Variants in CNTN5 observed in about 807,000 individuals in gnomAD.
CNTN5 encodes the protein contactin-5.
Under a neutral mutation model 129.1 loss-of-function variants are expected in CNTN5, and 77 were observed. The ratio of observed to expected loss-of-function variants is 0.60; its 90% CI spans 0.50 to 0.72. The LOEUF (loss-of-function observed/expected upper bound fraction) is 0.72. Among genes scored for constraint, CNTN5 ranks in the 30% least tolerant of loss-of-function variants. CNTN5 has a pLI of 0.00. For missense variants in CNTN5, 1,478 were observed against 1,328.8 expected (o/e 1.11, Z -1.75); for synonymous variants, 509 against 465.6 (o/e 1.09, Z -1.20).
chr11:99,022,441 T>C (rs1862916393), intron 1 of CNTN5, among the ~76,000 whole-genome samples: 1 of 152,136 alleles, frequency 6.6e-6, no homozygotes, highest in Non-Finnish European at 1.5e-5. Flanking sequence ...TCATTAACTG[T>C]TTTTGAAAAT....
chr11:99,272,969 A>T (rs1863245028), intron 1 of CNTN5, among the ~76,000 whole-genome samples: 1 of 151,890 alleles, frequency 6.6e-6, no homozygotes, highest in African/African-American at 2.4e-5. Flanking sequence ...GAGAGAGTGA[A>T]GTATAAGTTA....
At chr11:100,117,536 C>G (rs57726775) in intron 13 of CNTN5, among the ~76,000 whole-genome samples, 6,389 of 151,968 alleles carry the variant, frequency 0.042, 294 homozygotes, top group African/African-American at 0.11. Flanking sequence ...ATGTCTACCA[C>G]ATAGCATATG....
At chr11:99,504,430 A>G (rs1225618821) in intron 2 of CNTN5, among the ~76,000 whole-genome samples, 1 of 150,392 alleles carries the variant, frequency 6.6e-6, no homozygotes, top group Admixed American at 6.6e-5. Flanking sequence ...AGCCCCAGCT[A>G]CTTGGGAGGC....
chr11:100,316,456 G>C (rs1488246480), intron 21 of CNTN5, among the ~76,000 whole-genome samples: 2 of 152,112 alleles, frequency 1.3e-5, no homozygotes, highest in Non-Finnish European at 2.9e-5. Context: ...TATAATTCTC[G>C]TGTCTATAAT....
At chr11:100,263,303 G>T (rs1465943291) in intron 17 of CNTN5, among the ~76,000 whole-genome samples, 1 of 152,062 alleles carries the variant, frequency 6.6e-6, no homozygotes, top group South Asian at 2.1e-4. Context: ...ATATTTGCAC[G>T]CAGTAACCTT....
At chr11:100,188,247 C>A (rs962670278) in intron 13 of CNTN5, among the ~76,000 whole-genome samples, 5 of 152,058 alleles carry the variant, frequency 3.3e-5, no homozygotes, top group Non-Finnish European at 7.4e-5. Context: ...AGTTCAAGAC[C>A]AGACTGACCA....
chr11:99,805,399 C>T (rs948794569), intron 3 of CNTN5, among the ~76,000 whole-genome samples: 3 of 151,992 alleles, frequency 2.0e-5, no homozygotes, highest in East Asian at 1.9e-4. Context: ...TACAGAAAAC[C>T]GAAACAATCA....
chr11:99,101,004 A>G (rs984402711), intron 1 of CNTN5, among the ~76,000 whole-genome samples: 2 of 152,184 alleles, frequency 1.3e-5, no homozygotes, highest in Admixed American at 6.5e-5. Flanking sequence ...TGGGTAATTT[A>G]TAAAGAAAAA....
At chr11:99,838,824 C>T (rs549815562) in intron 4 of CNTN5, among the ~76,000 whole-genome samples, 1 of 152,066 alleles carries the variant, frequency 6.6e-6, no homozygotes, top group Non-Finnish European at 1.5e-5. Context: ...GGAAAGTGTA[C>T]CCCAGAAGGA....
At chr11:99,368,502 T>C (rs1348297987) in intron 2 of CNTN5, among the ~76,000 whole-genome samples, 1 of 151,648 alleles carries the variant, frequency 6.6e-6, no homozygotes, top group African/African-American at 2.4e-5. Flanking sequence ...AAATTGAAAA[T>C]ATAAGCTTTA....
chr11:99,276,758 T>C (rs1863455360), intron 1 of CNTN5, among the ~76,000 whole-genome samples: 1 of 151,506 alleles, frequency 6.6e-6, no homozygotes, highest in South Asian at 2.1e-4. Context: ...TACAAATATA[T>C]ACACACTTTT....
At chr11:100,053,521 G>T (rs150601791) in intron 9 of CNTN5, among the ~76,000 whole-genome samples, 1 of 151,756 alleles carries the variant, frequency 6.6e-6, no homozygotes, top group Non-Finnish European at 1.5e-5. Flanking sequence ...CCACACTTTA[G>T]TATCACTACA....
intron 1 of CNTN5, among the ~76,000 whole-genome samples, chr11:99,309,443 AT>A (rs1407314097): frequency 1.3e-5 from 2 of 152,214 alleles, no homozygotes; most frequent in East Asian, 3.9e-4. Context: ...CAGAAAAATG[AT>A]TTCCCTCCCA....
chr11:99,066,205 G>T (rs1451797129), intron 1 of CNTN5, among the ~76,000 whole-genome samples: 1 of 152,122 alleles, frequency 6.6e-6, no homozygotes. Context: ...CTGGGTTCAT[G>T]CGATTCTCCT....
At chr11:99,836,941 T>G (rs2135647952) in intron 4 of CNTN5, among the ~76,000 whole-genome samples, 1 of 152,320 alleles carries the variant, frequency 6.6e-6, no homozygotes, top group East Asian at 1.9e-4. Flanking sequence ...GTCATGGTGC[T>G]GGTGGGAGTG....
intron 2 of CNTN5, among the ~76,000 whole-genome samples, chr11:99,475,072 G>A (rs1945320042): frequency 1.3e-5 from 2 of 149,232 alleles, no homozygotes; most frequent in South Asian, 4.2e-4. Context: ...CATGAATGTG[G>A]GATTAGACCA....
intron 3 of CNTN5, among the ~76,000 whole-genome samples, chr11:99,562,445 C>T (rs1948872188): frequency 6.6e-6 from 1 of 151,836 alleles, no homozygotes; most frequent in Non-Finnish European, 1.5e-5. Context: ...CTATTAAGTC[C>T]ACAGAAAAAA....
At chr11:99,528,138 G>T (rs1565263273) in intron 2 of CNTN5, among the ~76,000 whole-genome samples, 1 of 152,022 alleles carries the variant, frequency 6.6e-6, no homozygotes, top group Admixed American at 6.6e-5. Flanking sequence ...AACCTTGAAA[G>T]ATCAAAATCC....
At chr11:100,328,611 C>A (rs544872773) in intron 21 of CNTN5, among the ~76,000 whole-genome samples, 3 of 152,090 alleles carry the variant, frequency 2.0e-5, no homozygotes, top group South Asian at 4.2e-4. Context: ...CCACATCTCC[C>A]GAGAACTTAT....
Sources: allele counts gnomAD v4.1 joint callset (sites outside exome capture counted in the v4.1 genomes callset), GRCh38; gene constraint gnomAD v4.1.1; transcripts MANE v1.5; gene names NCBI Gene and HGNC (gene_info 2026-07-23, HGNC 2026-07-21).